Variants in AFF3 observed in about 807,000 individuals in gnomAD.
The protein encoded by AFF3 is ALF transcription elongation factor 3.
Under a neutral mutation model 129.7 loss-of-function variants are expected in AFF3, and 32 were observed. That is an observed-to-expected ratio of 0.25 (90% CI 0.19 to 0.33). The LOEUF (loss-of-function observed/expected upper bound fraction) is 0.33. AFF3 is among the 10% of genes least tolerant of loss of function. The probability of loss-of-function intolerance (pLI) is 1.00; values close to 1 mark genes in which losing one functional copy is unlikely to be tolerated. For synonymous variants in AFF3, 644 were observed against 635.4 expected, an observed-to-expected ratio of 1.01 and a Z score of -0.20; for missense variants, 1,373 against 1,592.0, an observed-to-expected ratio of 0.86 and a Z score of 2.34.
chr2:99,900,064 C>T (rs975215418), intron 7 of AFF3, among the ~76,000 whole-genome samples: 9 of 152,138 alleles, frequency 5.9e-5, no homozygotes. Context: ...AACATCGTGG[C>T]TGTAATAGGA....
intron 7 of AFF3, among the ~76,000 whole-genome samples, chr2:100,001,969 C>T (rs1007678899): frequency 3.9e-5 from 6 of 152,200 alleles, no homozygotes; most frequent in African/African-American, 1.4e-4. Context: ...CAGGAGGAAG[C>T]GCAGAGCGTA....
chr2:99,988,141 A>C (rs1195465552), intron 7 of AFF3, among the ~76,000 whole-genome samples: 1 of 152,194 alleles, frequency 6.6e-6, no homozygotes, highest in Non-Finnish European at 1.5e-5. Flanking sequence ...AGGATGATAG[A>C]TAGATGGTAG....
chr2:99,701,192 T>C (rs1676825930), intron 11 of AFF3, among the ~76,000 whole-genome samples: 1 of 152,110 alleles, frequency 6.6e-6, no homozygotes. Flanking sequence ...CAGGATAGAC[T>C]GGTAACACTC....
intron 11 of AFF3, among the ~76,000 whole-genome samples, chr2:99,693,476 T>G (rs1282994104): frequency 6.6e-6 from 1 of 152,080 alleles, no homozygotes; most frequent in East Asian, 1.9e-4. Flanking sequence ...AATTTTAAAT[T>G]TTTTTCTATT....
In AFF3 at chr2:99,593,188, G is replaced by T; in HGVS notation, c.2466+7C>A. 1 of 1,565,618 alleles carries T rather than the reference G, an allele frequency of 6.4e-7. No homozygotes were observed. Among genetic ancestry groups the T allele is most frequent in the Non-Finnish European group, 8.7e-7 (1 of 1,153,756 alleles). On this transcript the variant is annotated splice_region_variant and intron_variant, in intron 15 of 24. Transcript: ENST00000672756. ...CGCCCCCGCACCCCAGTCAGCCCCA[G>T]GCCTACCTTGCGTTTCCTCTTGGAT...
At chr2:99,740,584 TG>T (rs1181259412) in intron 10 of AFF3, among the ~76,000 whole-genome samples, 1 of 151,652 alleles carries the variant, frequency 6.6e-6, no homozygotes, top group African/African-American at 2.4e-5. Flanking sequence ...CATTTTTTCA[TG>T]TGTTTTTTGG....
At chr2:99,838,537 C>T (rs924530807) in intron 7 of AFF3, among the ~76,000 whole-genome samples, 6 of 152,188 alleles carry the variant, frequency 3.9e-5, no homozygotes, top group African/African-American at 1.4e-4. Context: ...TTCCTCCGAG[C>T]AGCCACCCTG....
intron 12 of AFF3, among the ~76,000 whole-genome samples, chr2:99,660,583 A>G (rs1287810932): frequency 6.6e-6 from 1 of 152,276 alleles, no homozygotes; most frequent in Non-Finnish European, 1.5e-5. Flanking sequence ...GTAATGTATA[A>G]TAATCACACA....
At chr2:99,865,948 T>C (rs1691357608) in intron 7 of AFF3, among the ~76,000 whole-genome samples, 1 of 152,220 alleles carries the variant, frequency 6.6e-6, no homozygotes. Context: ...TCAACAAATA[T>C]GTTAAGCTCC....
At chr2:99,839,361 C>G (rs963338845) in intron 7 of AFF3, among the ~76,000 whole-genome samples, 3 of 152,106 alleles carry the variant, frequency 2.0e-5, no homozygotes, top group African/African-American at 7.2e-5. Flanking sequence ...CCCCTCGCCT[C>G]GGCCTCCCAA....
At chr2:99,838,932 T>C (rs1689100825) in intron 7 of AFF3, among the ~76,000 whole-genome samples, 1 of 152,166 alleles carries the variant, frequency 6.6e-6, no homozygotes, top group Non-Finnish European at 1.5e-5. Context: ...CACTCTACCC[T>C]TCACTTGAGT....
At chr2:99,652,106 T>C (rs1685312604) in intron 12 of AFF3, among the ~76,000 whole-genome samples, 1 of 152,084 alleles carries the variant, frequency 6.6e-6, no homozygotes, top group Non-Finnish European at 1.5e-5. Context: ...ACATATCTGC[T>C]GAGTAAATGT....
At chr2:99,593,155 C>T (rs1352197808) in intron 15 of AFF3, 40 bp downstream of exon 15, 4 of 1,525,686 alleles carry the variant, frequency 2.6e-6, no homozygotes, top group South Asian at 1.3e-5. Context: ...ATAGCCCCTT[C>T]CCCTCCACGC....
chr2:99,930,681 C>T (rs1329218452), intron 7 of AFF3, among the ~76,000 whole-genome samples: 2 of 152,256 alleles, frequency 1.3e-5, no homozygotes, highest in African/African-American at 2.4e-5. Flanking sequence ...AAGATTGGTA[C>T]CTGCTATGCA....
chr2:99,671,128 T>C (rs964736298), intron 12 of AFF3, among the ~76,000 whole-genome samples: 1 of 152,208 alleles, frequency 6.6e-6, no homozygotes, highest in Admixed American at 6.5e-5. Flanking sequence ...ATAAAAAGCA[T>C]ACACAATTTA....
chr2:100,104,770 C>A, intron 3 of AFF3: 1 of 939,008 alleles, frequency 1.1e-6, no homozygotes, highest in Non-Finnish European at 1.3e-6. Flanking sequence ...CTCCTCCCCT[C>A]CCTCGCGGCG....
At chr2:100,123,572 G>A (rs1692066910) in intron 2 of AFF3, among the ~76,000 whole-genome samples, 1 of 152,132 alleles carries the variant, frequency 6.6e-6, no homozygotes, top group African/African-American at 2.4e-5. Flanking sequence ...ATAAGTCTCT[G>A]TGCTTCCGTT....
At position 99,946,248 on chromosome 2, in the gene AFF3, G is replaced by A. The variant is rs112335634; in HGVS notation, c.873+60384C>T. Among the ~76,000 whole-genome samples the A allele has an allele frequency of 4.8e-3, 725 of 151,772 alleles. 10 individuals carry two copies. Among genetic ancestry groups the A allele is most frequent in the African/African-American group, 0.017 (697 of 41,392 alleles). On this transcript the variant is annotated intron_variant, in intron 7 of 24. Transcript: ENST00000672756. Reference sequence around the variant, plus strand: ...AGCACTTTGGGAGGCTGAGGCAGGCGGGTCATTTGAGGTCAGGAGTTTGAA... The same window carrying A: ...AGCACTTTGGGAGGCTGAGGCAGGCAGGTCATTTGAGGTCAGGAGTTTGAA...
At chr2:100,115,737 T>C (rs538514229) in intron 2 of AFF3, among the ~76,000 whole-genome samples, 2 of 152,342 alleles carry the variant, frequency 1.3e-5, no homozygotes, top group South Asian at 4.1e-4. Context: ...TTTCCTATGT[T>C]TCCACTGGTG....
Sources: gnomAD v4.1 joint callset for allele counts (sites outside exome capture counted in the v4.1 genomes callset) on GRCh38, gnomAD v4.1.1 for gene constraint, MANE v1.5 for transcripts, NCBI Gene and HGNC (gene_info 2026-07-23, HGNC 2026-07-21) for gene names.